The following DENND1A variants were observed in gnomAD, a reference collection of about 807,000 sequenced individuals.
DENND1A encodes DENN domain containing 1A.
DENND1A carries 51 observed loss-of-function variants against 113.7 expected under a neutral mutation model. The ratio of observed to expected loss-of-function variants is 0.45; its 90% CI spans 0.36 to 0.57. DENND1A has a LOEUF of 0.57. Among genes scored for constraint, DENND1A ranks in the 20% least tolerant of loss-of-function variants. The pLI, the probability that DENND1A is intolerant of heterozygous loss-of-function variation, is 0.00. For synonymous variants in DENND1A, 565 were observed against 570.8 expected (o/e 0.99, Z 0.14); for missense variants, 1,258 against 1,395.9 (o/e 0.90, Z 1.57).
chr9:123,786,602 T>C (rs749871995), intron 3 of DENND1A, among the ~76,000 whole-genome samples: 4 of 152,166 alleles, frequency 2.6e-5, no homozygotes, highest in Admixed American at 6.5e-5. Context: ...TCAATTAATA[T>C]ACAAAATCAG....
At chr9:123,914,491 G>A (rs1438312664) in intron 1 of DENND1A, among the ~76,000 whole-genome samples, 1 of 144,886 alleles carries the variant, frequency 6.9e-6, no homozygotes, top group Non-Finnish European at 1.5e-5. Flanking sequence ...CTTGCAATAA[G>A]CCGAGATCGC....
intron 13 of DENND1A, among the ~76,000 whole-genome samples, chr9:123,514,348 G>A (rs925013493): frequency 6.6e-6 from 1 of 152,062 alleles, no homozygotes; most frequent in African/African-American, 2.4e-5. Flanking sequence ...TTATGTGAGA[G>A]AGTGGAGGTG....
At chr9:123,633,338 A>C (rs1362696803) in intron 9 of DENND1A, among the ~76,000 whole-genome samples, 1 of 152,210 alleles carries the variant, frequency 6.6e-6, no homozygotes, top group African/African-American at 2.4e-5. Flanking sequence ...CACGTGCACT[A>C]GTTAATGGGA....
intron 9 of DENND1A, among the ~76,000 whole-genome samples, chr9:123,638,844 T>C (rs942803893): frequency 1.3e-5 from 2 of 151,640 alleles, no homozygotes; most frequent in African/African-American, 4.8e-5. Context: ...TAAGTGGATA[T>C]TTCTATTTCT....
intron 13 of DENND1A, among the ~76,000 whole-genome samples, chr9:123,484,073 C>T (rs2050582485): frequency 1.3e-5 from 2 of 152,194 alleles, no homozygotes; most frequent in South Asian, 4.1e-4. Flanking sequence ...TTGGTTATGT[C>T]TGAGCAGCTC....
At chr9:123,473,311 T>C (rs2049604280) in intron 13 of DENND1A, among the ~76,000 whole-genome samples, 1 of 152,064 alleles carries the variant, frequency 6.6e-6, no homozygotes, top group Admixed American at 6.5e-5. Context: ...AATGTATGTG[T>C]GTGCTGGGAG....
At chr9:123,890,919 G>A (rs1010568354) in intron 1 of DENND1A, among the ~76,000 whole-genome samples, 7 of 152,010 alleles carry the variant, frequency 4.6e-5, no homozygotes, top group Non-Finnish European at 1.0e-4. Flanking sequence ...CAAGGAACTT[G>A]GGCAACTGCA....
intron 10 of DENND1A, among the ~76,000 whole-genome samples, chr9:123,613,758 T>C (rs550374108): frequency 6.6e-6 from 1 of 152,372 alleles, no homozygotes; most frequent in South Asian, 2.1e-4. Context: ...AGGCAGGTCA[T>C]GACAACCATG....
Position 123,892,932 on chromosome 9 carries a change from A to C in DENND1A, c.18-13911T>G, listed in dbSNP as rs1165265924. Among the ~76,000 whole-genome samples the C allele has an allele frequency of 2.6e-5, 4 of 152,158 alleles. No homozygotes were observed. The East Asian group carries it at 7.7e-4, about 29-fold the overall frequency. On this transcript the variant is annotated intron_variant, in intron 1 of 23. Transcript: ENST00000394215. ...GAGAGGCAGGGGTTGCGGGGAGCCG[A>C]GATCGCGCCACTGCACTCCAGCCTG...
At chr9:123,643,718 T>G (rs1235924634) in intron 9 of DENND1A, among the ~76,000 whole-genome samples, 1 of 152,162 alleles carries the variant, frequency 6.6e-6, no homozygotes, top group Non-Finnish European at 1.5e-5. Context: ...TAAGAAGGCA[T>G]GGGCAGACGG....
chr9:123,619,583 C>T (rs1463948234), intron 10 of DENND1A, among the ~76,000 whole-genome samples: 2 of 152,100 alleles, frequency 1.3e-5, no homozygotes, highest in Admixed American at 6.5e-5. Flanking sequence ...TCACACCTGG[C>T]TAATTTTTGT....
At chr9:123,390,835 A>G (rs2131023074) in intron 21 of DENND1A, among the ~76,000 whole-genome samples, 1 of 152,358 alleles carries the variant, frequency 6.6e-6, no homozygotes, top group South Asian at 2.1e-4. Flanking sequence ...GAGGCTCTCC[A>G]GTCGCCCTCA....
intron 16 of DENND1A, among the ~76,000 whole-genome samples, chr9:123,452,836 C>T (rs535998999): frequency 4.6e-5 from 7 of 152,268 alleles, no homozygotes; most frequent in South Asian, 4.1e-4. Context: ...CGTGCAACTT[C>T]CTTTTCTTTC....
At chr9:123,450,286 C>T (rs928377104) in intron 18 of DENND1A, among the ~76,000 whole-genome samples, 1 of 152,198 alleles carries the variant, frequency 6.6e-6, no homozygotes. Context: ...GCATGCTGGA[C>T]CATGGCAATC....
intron 2 of DENND1A, among the ~76,000 whole-genome samples, chr9:123,803,652 A>G (rs1428927057): frequency 6.6e-6 from 1 of 151,966 alleles, no homozygotes; most frequent in Non-Finnish European, 1.5e-5. Context: ...AGCTCCACCA[A>G]TCCTCCTGTT....
intron 10 of DENND1A, among the ~76,000 whole-genome samples, chr9:123,628,257 G>A (rs1156339567): frequency 1.3e-5 from 2 of 151,864 alleles, no homozygotes; most frequent in East Asian, 1.9e-4. Flanking sequence ...AAGATGGGAA[G>A]GAGATGTGGA....
chr9:123,648,555 T>A (rs1589505985), intron 9 of DENND1A, among the ~76,000 whole-genome samples: 2 of 152,242 alleles, frequency 1.3e-5, no homozygotes, highest in East Asian at 3.8e-4. Context: ...TTATTTCCGA[T>A]ACTAATTTTC....
At position 123,624,560 on chromosome 9, in the gene DENND1A, C is replaced by T. The variant is rs2061113048; in HGVS notation, c.719+5816G>A. ...ATGTCAGAAAGTTCTTTCACGGAAA[C>T]AAGAGACCAGGAGAAAGACTGCTAT... On this transcript the variant is annotated intron_variant, in intron 10 of 23. Coordinates refer to ENST00000394215, the MANE Select transcript of DENND1A (RefSeq NM_001352964.2). Among the ~76,000 whole-genome samples the T allele has an allele frequency of 2.6e-5, 4 of 152,288 alleles. No individual in the cohort carries two copies. The East Asian group carries it at 5.8e-4, about 22-fold the overall frequency.
intron 19 of DENND1A, among the ~76,000 whole-genome samples, chr9:123,433,163 T>C (rs1387467732): frequency 6.6e-6 from 1 of 152,200 alleles, no homozygotes; most frequent in Non-Finnish European, 1.5e-5. Flanking sequence ...TTAATCCTTA[T>C]AGCAACCTAT....
Sources: gnomAD v4.1 joint callset for allele counts (sites outside exome capture counted in the v4.1 genomes callset) on GRCh38, gnomAD v4.1.1 for gene constraint, MANE v1.5 for transcripts, NCBI Gene and HGNC (gene_info 2026-07-23, HGNC 2026-07-21) for gene names.